Variants in CPSF2 observed in about 807,000 individuals in gnomAD.
CPSF2 encodes the protein cleavage and polyadenylation specific factor 2.
In CPSF2, 51 loss-of-function variants were observed where a neutral mutation model predicts 84.2. The ratio of observed to expected loss-of-function variants is 0.61; its 90% confidence interval spans 0.48 to 0.77. CPSF2 has a LOEUF of 0.77. CPSF2 is among the 30% of genes least tolerant of loss of function. The pLI, the probability that CPSF2 is intolerant of heterozygous loss-of-function variation, is 0.00. For missense variants in CPSF2, 641 were observed against 929.4 expected, an observed-to-expected ratio of 0.69 and a Z score of 4.03; for synonymous variants, 286 against 311.9, an observed-to-expected ratio of 0.92 and a Z score of 0.87.
Position 92,157,950 on chromosome 14 carries a change from A to T in CPSF2, c.1821+66A>T. 1 of 1,109,090 alleles carries T rather than the reference A, an allele frequency of 9.0e-7. No individual in the cohort carries two copies. Among genetic ancestry groups the T allele is most frequent in the Admixed American group, 1.8e-5 (1 of 57,116 alleles). 68.7% of individuals were successfully genotyped at this position (1,109,090 alleles called of 1,614,324 possible). On this transcript the variant is annotated intron_variant, in intron 13 of 15. Transcript: ENST00000298875. The surrounding 1 kb of genome is among the most constrained non-coding windows in gnomAD (Gnocchi z 4.0). ...TTTTTGTTGCAGGTTAGGACAGATAACATTAGAAATACCGAGATGTGTGAG... is the reference window on the plus strand; with the variant it reads ...TTTTTGTTGCAGGTTAGGACAGATATCATTAGAAATACCGAGATGTGTGAG...
rs556324141 is a variant in CPSF2, at chr14:92,135,969, C to G, written c.545+473C>G. ...GAGGTTGGGTCTTTCCCGTGCTGTT[C>G]TTGTGATAGTGAATGGGTTTCACGA... On this transcript the variant is annotated intron_variant, in intron 6 of 15. Coordinates refer to ENST00000298875, the MANE Select transcript of CPSF2 (RefSeq NM_017437.3). Among the ~76,000 whole-genome samples, 5 of 152,266 alleles carry G rather than the reference C, an allele frequency of 3.3e-5. No individual in the cohort carries two copies. The East Asian group carries it at 7.7e-4, about 24-fold the overall frequency.
chr14:92,136,233 A>G (rs926972260), intron 6 of CPSF2, among the ~76,000 whole-genome samples: 3 of 152,226 alleles, frequency 2.0e-5, no homozygotes, highest in African/African-American at 2.4e-5. Context: ...TTACATTACA[A>G]TAGTCTCAGG....
chr14:92,123,381 G>A (rs2068803839), intron 1 of CPSF2, among the ~76,000 whole-genome samples: 1 of 151,922 alleles, frequency 6.6e-6, no homozygotes, highest in South Asian at 2.1e-4. Flanking sequence ...TGGGATTACA[G>A]GCGTGAGCCA....
chr14:92,161,614 G>A (rs1253696879), intron 15 of CPSF2, 38 bp from the exon 16 acceptor site: 1 of 1,420,760 alleles, frequency 7.0e-7, no homozygotes, highest in Non-Finnish European at 9.7e-7. Flanking sequence ...TTAATGAATA[G>A]AAAATGTACT....
At position 92,161,585 on chromosome 14, in the gene CPSF2, C is replaced by T. The variant is rs566733936; in HGVS notation, c.2257-67C>T. The T allele has an allele frequency of 1.5e-5, 16 of 1,067,110 alleles. No homozygotes were observed. The East Asian group carries it at 1.6e-4, about 11-fold the overall frequency. The allele number at this position is 1,067,110 out of a possible 1,614,324, so 66.1% of individuals were successfully genotyped here. A position where few individuals can be genotyped will look rare whatever the true frequency, so the allele number is the denominator to read the frequency against. ...ATAAAGTAATCTATTTCATATATTT[C>T]GGTTATTATGTCTGCATATTAATGA... On this transcript the variant is annotated intron_variant, in intron 15 of 15. Coordinates refer to ENST00000298875, the MANE Select transcript of CPSF2 (RefSeq NM_017437.3).
intron 12 of CPSF2, 37 bp downstream of exon 12, chr14:92,156,668 A>C: frequency 7.1e-7 from 1 of 1,411,102 alleles, no homozygotes; most frequent in Non-Finnish European, 9.6e-7. Flanking sequence ...ATAGATTATA[A>C]GATAAAATTT....
At position 92,142,029 on chromosome 14, in the gene CPSF2, AT is replaced by A. The variant is rs887374935; in HGVS notation, c.662-131del. 23 of 619,160 alleles carry A rather than the reference AT, an allele frequency of 3.7e-5. No individual in the cohort carries two copies. In the African/African-American group the frequency reaches 4.0e-4, roughly 11 times the overall value. 38.4% of individuals were successfully genotyped at this position (619,160 alleles called of 1,614,324 possible). A position where few individuals can be genotyped will look rare whatever the true frequency, so the allele number is the denominator to read the frequency against. Reference sequence around the variant, plus strand: ...GTAATGACCTGAACAAAATTCCTTCATTTTGTACTTGGCCTAGTAGTTGCTT... The same window carrying A: ...GTAATGACCTGAACAAAATTCCTTCATTTGTACTTGGCCTAGTAGTTGCTT... On this transcript the variant is annotated intron_variant, in intron 7 of 15. Transcript: ENST00000298875.
intron 2 of CPSF2, among the ~76,000 whole-genome samples, chr14:92,129,364 A>T (rs1162610796): frequency 6.6e-6 from 1 of 152,216 alleles, no homozygotes. Context: ...TGGGAGACGT[A>T]CACATCGTTG....
chr14:92,122,233 A>C, intron 1 of CPSF2, 105 bp downstream of exon 1: 4 of 269,310 alleles, frequency 1.5e-5, no homozygotes, highest in Non-Finnish European at 2.9e-5. Context: ...TCCCCCGAGG[A>C]CTCGCCCCCG....
chr14:92,161,875 T>A lies in CPSF2; in HGVS notation c.*131T>A. 4 of 586,240 alleles carry A rather than the reference T, an allele frequency of 6.8e-6. 1 individual carries two copies. The South Asian group carries it at 8.8e-5, about 13-fold the overall frequency. 36.3% of individuals were successfully genotyped at this position (586,240 alleles called of 1,614,324 possible). ...GCCAGAAAAACTTACATGTATCAGA[T>A]TTTTAAAAATATAAATAGAGAACAT... On this transcript the variant is annotated 3_prime_UTR_variant, in exon 16 of 16. Coordinates refer to ENST00000298875, the MANE Select transcript of CPSF2 (RefSeq NM_017437.3).
At chr14:92,139,273 C>T (rs929811397) in intron 7 of CPSF2, among the ~76,000 whole-genome samples, 25 of 151,752 alleles carry the variant, frequency 1.6e-4, no homozygotes, top group African/African-American at 5.3e-4. Flanking sequence ...AAAAATTAGC[C>T]GGGCGTGGTG....
At position 92,138,264 on chromosome 14, in the gene CPSF2, GC is replaced by G; in HGVS notation, c.579del (p.Ser193ArgfsTer28). On this transcript the variant is annotated frameshift_variant, in exon 7 of 16. Coordinates refer to ENST00000298875, the MANE Select transcript of CPSF2 (RefSeq NM_017437.3). LOFTEE classifies it high-confidence loss of function. The part of the protein sequence containing the change: ...HLNGCSLEML[S>X]RPSLLITDSF... ...AATGGATGTTCCCTGGAAATGCTAA[GC>G]AGGCCTTCCCTACTTATCACAGATT... 1 of 1,605,308 alleles carries G rather than the reference GC, an allele frequency of 6.2e-7. No homozygotes were observed.
rs1197282447 is a variant in CPSF2, at chr14:92,169,558, C to G, written c.*7814C>G. On this transcript the variant is annotated 3_prime_UTR_variant, in exon 16 of 16. Transcript: ENST00000298875. ...TAGTTGAAATTTCATATTTAAATAT[C>G]AAAACATAAATGTCTAAAGAGATTG... 6.6e-6 allele frequency: 1 copy of G among 151,080 alleles called. No homozygotes were observed. Among genetic ancestry groups the G allele is most frequent in the Non-Finnish European group, 1.5e-5 (1 of 67,842 alleles). 9.4% of individuals were successfully genotyped at this position (151,080 alleles called of 1,614,324 possible).
At position 92,163,793 on chromosome 14, in the gene CPSF2, C is replaced by G. The variant is rs966697595; in HGVS notation, c.*2049C>G. 2.0e-5 allele frequency: 3 copies of G among 152,558 alleles called. No homozygotes were observed. The East Asian group carries it at 5.8e-4, about 29-fold the overall frequency. 9.5% of individuals were successfully genotyped at this position (152,558 alleles called of 1,614,324 possible). On this transcript the variant is annotated 3_prime_UTR_variant, in exon 16 of 16. Coordinates refer to ENST00000298875, the MANE Select transcript of CPSF2 (RefSeq NM_017437.3). ...GCCCAGACTGGAGTGCAATGGCACACGATCTCGGCTCACCGCAACCTCTGC... is the reference window on the plus strand; with the variant it reads ...GCCCAGACTGGAGTGCAATGGCACAGGATCTCGGCTCACCGCAACCTCTGC...
At chr14:92,128,582 A>G (rs2068872658) in intron 2 of CPSF2, among the ~76,000 whole-genome samples, 1 of 152,184 alleles carries the variant, frequency 6.6e-6, no homozygotes, top group Non-Finnish European at 1.5e-5. Flanking sequence ...TTGCCAGCCT[A>G]GTAGAGAGAA....
intron 8 of CPSF2, 46 bp downstream of exon 8, chr14:92,142,397 G>T (rs956654509): frequency 1.4e-6 from 2 of 1,457,314 alleles, no homozygotes; most frequent in Non-Finnish European, 1.9e-6. Context: ...TACAGTGATT[G>T]GGTCTGTGGA....
At chr14:92,140,994 T>G (rs1287470520) in intron 7 of CPSF2, among the ~76,000 whole-genome samples, 2 of 152,104 alleles carry the variant, frequency 1.3e-5, no homozygotes, top group Admixed American at 6.5e-5. Flanking sequence ...TTACCACATA[T>G]TTCCAAGGGG....
At position 92,122,062 on chromosome 14, in the gene CPSF2, G is replaced by A; in HGVS notation, c.-160G>A. On this transcript the variant is annotated 5_prime_UTR_variant, in exon 1 of 16. Transcript: ENST00000298875. Reference sequence around the variant, plus strand: ...GCTGACCCAGCATCGGCTTTTCTACGTCTTGAACCTGGATTCGCCTAGGGG... The same window carrying A: ...GCTGACCCAGCATCGGCTTTTCTACATCTTGAACCTGGATTCGCCTAGGGG... 1 of 535,508 alleles carries A rather than the reference G, an allele frequency of 1.9e-6. No homozygotes were observed. The highest frequency in any genetic ancestry group is 3.3e-6 in the Non-Finnish European group (1 of 298,946). The allele number at this position is 535,508 out of a possible 1,614,324, so 33.2% of individuals were successfully genotyped here. A position where few individuals can be genotyped will look rare whatever the true frequency, so the allele number is the denominator to read the frequency against.
intron 1 of CPSF2, among the ~76,000 whole-genome samples, chr14:92,124,828 A>G (rs1308928075): frequency 1.3e-5 from 2 of 152,232 alleles, no homozygotes; most frequent in Non-Finnish European, 2.9e-5. Flanking sequence ...AATAAAATTC[A>G]TTAAAATTCA....
Sources: gnomAD v4.1 joint callset for allele counts (sites outside exome capture counted in the v4.1 genomes callset) on GRCh38, gnomAD v4.1.1 for gene constraint, Gnocchi (gnomAD v3.1) non-coding constraint, MANE v1.5 for transcripts, NCBI Gene and HGNC (gene_info 2026-07-23, HGNC 2026-07-21) for gene names.